The following PLD5 variants were observed in gnomAD, a reference collection of about 807,000 sequenced individuals.
PLD5 encodes inactive phospholipase D5.
Under a neutral mutation model 61.1 loss-of-function variants are expected in PLD5, and 36 were observed. The observed-to-expected ratio is 0.59, with a 90% CI of 0.45 to 0.78. PLD5 has a LOEUF of 0.78. Among genes scored for constraint, PLD5 ranks in the 30% least tolerant of loss-of-function variants. The pLI is 0.00. For synonymous variants in PLD5, 243 were observed against 242.8 expected, an observed-to-expected ratio of 1.00 and a Z score of -0.01; for missense variants, 515 against 644.4, an observed-to-expected ratio of 0.80 and a Z score of 2.17.
At chr1:242,452,074 C>G (rs548844931) in intron 1 of PLD5, among the ~76,000 whole-genome samples, 27 of 152,252 alleles carry the variant, frequency 1.8e-4, no homozygotes, top group African/African-American at 6.0e-4. Flanking sequence ...GAATGGCAAG[C>G]TGAAGGCTAG....
At chr1:242,171,397 G>A (rs935227109) in intron 5 of PLD5, among the ~76,000 whole-genome samples, 2 of 152,138 alleles carry the variant, frequency 1.3e-5, no homozygotes, top group African/African-American at 4.8e-5. Flanking sequence ...ACTAAACATG[G>A]AAAGGAACAC....
chr1:242,183,151 A>G (rs1056920162), intron 5 of PLD5, among the ~76,000 whole-genome samples: 2 of 152,242 alleles, frequency 1.3e-5, no homozygotes, highest in Non-Finnish European at 2.9e-5. Context: ...CAGGCTTCTG[A>G]GGATGAGTTC....
intron 1 of PLD5, among the ~76,000 whole-genome samples, chr1:242,447,893 A>G (rs1666611192): frequency 6.6e-6 from 1 of 152,230 alleles, no homozygotes; most frequent in Non-Finnish European, 1.5e-5. Flanking sequence ...TCTGCATTTC[A>G]GCCCGGTCCT....
rs970698277 is a variant in PLD5 at position 242,451,749 on chromosome 1, C to T, written c.189+72339G>A. Among the ~76,000 whole-genome samples, 16 of 152,200 alleles carry T rather than the reference C, an allele frequency of 1.1e-4. No homozygotes were observed. The South Asian group carries it at 2.1e-3, about 20-fold the overall frequency. On this transcript the variant is annotated intron_variant, in intron 1 of 9. Coordinates refer to ENST00000536534, the MANE Select transcript of PLD5 (RefSeq NM_001372062.1). ...TGCTAGGATTACAGGCTTGAGCCAC[C>T]GCGCCCAGTCTAAAATTCTTGAATG...
chr1:242,361,984 T>TGG (rs1341805231), intron 1 of PLD5, among the ~76,000 whole-genome samples: 11 of 140,678 alleles, frequency 7.8e-5, no homozygotes, highest in South Asian at 2.2e-4. Flanking sequence ...TTTTTTTTTT[T>TGG]GGTATAAAAA....
At position 242,516,250 on chromosome 1, in the gene PLD5, T is replaced by TTATATATATA. The variant is rs57043354; in HGVS notation, c.189+7828_189+7837dup. ...AAAAATATATTCTTCTAAAGTTAAATTATATATATATATATATATATATAT... is the reference window on the plus strand; with the variant it reads ...AAAAATATATTCTTCTAAAGTTAAATTATATATATATATATATATATATATATATATATAT... On this transcript the variant is annotated intron_variant, in intron 1 of 9. Coordinates refer to ENST00000536534, the MANE Select transcript of PLD5 (RefSeq NM_001372062.1). Among the ~76,000 whole-genome samples the TTATATATATA allele has an allele frequency of 3.4e-3, 477 of 138,548 alleles. 2 individuals are homozygous for TTATATATATA. Among genetic ancestry groups the TTATATATATA allele is most frequent in the East Asian group, 0.014 (62 of 4,396 alleles). The allele number at this position is 138,548 out of a possible 152,430, so 90.9% of individuals were successfully genotyped here.
chr1:242,470,353 AAAAAGAAAG>A (rs1223128241), intron 1 of PLD5, among the ~76,000 whole-genome samples: 5 of 129,884 alleles, frequency 3.8e-5, no homozygotes, highest in African/African-American at 6.3e-5. Flanking sequence ...AAGAAAAAAA[AAAAAGAAAG>A]AAAGAAAGAA....
At chr1:242,199,082 A>G (rs1195751328) in intron 5 of PLD5, among the ~76,000 whole-genome samples, 1 of 152,196 alleles carries the variant, frequency 6.6e-6, no homozygotes, top group Non-Finnish European at 1.5e-5. Flanking sequence ...TTCAGGATAT[A>G]CTAAATTACA....
At position 242,478,330 on chromosome 1, in the gene PLD5, T is replaced by C. The variant is rs368402478; in HGVS notation, c.189+45758A>G. Among the ~76,000 whole-genome samples, 39 of 152,240 alleles carry C rather than the reference T, an allele frequency of 2.6e-4. 1 individual carries two copies. Among genetic ancestry groups the C allele is most frequent in the Middle Eastern group, 6.8e-3 (2 of 294 alleles). ...TTCTGCTCTTACTTGGAGAGCAGCATGCAGCACTGGAGCCTAGAAATTCCA... is the reference window on the plus strand; with the variant it reads ...TTCTGCTCTTACTTGGAGAGCAGCACGCAGCACTGGAGCCTAGAAATTCCA... On this transcript the variant is annotated intron_variant, in intron 1 of 9. Coordinates refer to ENST00000536534, the MANE Select transcript of PLD5 (RefSeq NM_001372062.1).
intron 4 of PLD5, among the ~76,000 whole-genome samples, chr1:242,255,820 A>G (rs928194055): frequency 6.6e-6 from 1 of 152,200 alleles, no homozygotes; most frequent in Non-Finnish European, 1.5e-5. Flanking sequence ...ATGTAGCTAA[A>G]AGAACACCAG....
At chr1:242,123,436 G>A (rs1662537424) in intron 6 of PLD5, among the ~76,000 whole-genome samples, 1 of 152,136 alleles carries the variant, frequency 6.6e-6, no homozygotes, top group Non-Finnish European at 1.5e-5. Flanking sequence ...TCGCAGCCGG[G>A]ACCCCTGTGG....
At chr1:242,191,807 A>G (rs563048004) in intron 5 of PLD5, among the ~76,000 whole-genome samples, 5 of 151,840 alleles carry the variant, frequency 3.3e-5, no homozygotes, top group African/African-American at 1.2e-4. Context: ...AGGGAAACAG[A>G]GGTACAGAGA....
intron 4 of PLD5, among the ~76,000 whole-genome samples, chr1:242,250,123 T>C (rs985240815): frequency 2.6e-5 from 4 of 152,184 alleles, no homozygotes; most frequent in African/African-American, 4.8e-5. Context: ...TTAAATTCAG[T>C]CACTTGCCAC....
chr1:242,258,731 A>G (rs12047990), intron 4 of PLD5, among the ~76,000 whole-genome samples: 39,783 of 152,106 alleles, frequency 0.26, 5,874 homozygotes, highest in Non-Finnish European at 0.34. Context: ...GTAAGCTTCA[A>G]AAACAAGCTT....
At chr1:242,526,823 TGAC>T (rs1479143850), upstream of PLD5, among the ~76,000 whole-genome samples, 1 of 149,980 alleles carries the variant, frequency 6.7e-6, no homozygotes, top group African/African-American at 2.5e-5. Context: ...ACAATTTAAA[TGAC>T]GACAAACAAT....
chr1:242,381,097 G>A (rs1662249412), intron 1 of PLD5, among the ~76,000 whole-genome samples: 1 of 152,124 alleles, frequency 6.6e-6, no homozygotes, highest in Admixed American at 6.5e-5. Context: ...ACACATGCAT[G>A]CATATGTTCA....
intron 5 of PLD5, among the ~76,000 whole-genome samples, chr1:242,208,925 A>G (rs1252612579): frequency 6.6e-6 from 1 of 152,226 alleles, no homozygotes; most frequent in Non-Finnish European, 1.5e-5. Flanking sequence ...AATTTGAACA[A>G]CAGTCCTCCC....
intron 4 of PLD5, among the ~76,000 whole-genome samples, chr1:242,254,544 C>T (rs1384895917): frequency 6.6e-6 from 1 of 152,046 alleles, no homozygotes; most frequent in East Asian, 1.9e-4. Flanking sequence ...GTGGTGGGCA[C>T]CTGTAATCCC....
At chr1:242,161,517 T>TTTAAG (rs1331441971) in intron 5 of PLD5, among the ~76,000 whole-genome samples, 2 of 152,128 alleles carry the variant, frequency 1.3e-5, no homozygotes, top group Non-Finnish European at 2.9e-5. Flanking sequence ...TATGTTTCTC[T>TTTAAG]TTAAGTTTCC....
Sources: gnomAD v4.1 joint callset for allele counts (sites outside exome capture counted in the v4.1 genomes callset) on GRCh38, gnomAD v4.1.1 for gene constraint, MANE v1.5 for transcripts, NCBI Gene and HGNC (gene_info 2026-07-23, HGNC 2026-07-21) for gene names.